LEPR: variants seen among roughly 807,000 people sequenced by gnomAD.
LEPR encodes leptin receptor.
In LEPR, 56 loss-of-function variants were observed where a neutral mutation model predicts 114.7. The observed-to-expected ratio is 0.49, with a 90% confidence interval of 0.39 to 0.61. LEPR has a LOEUF of 0.61. LEPR is among the 20% of genes least tolerant of loss of function. The pLI, the probability that LEPR is intolerant of heterozygous loss-of-function variation, is 0.00. For missense variants in LEPR, 1,202 were observed against 1,352.9 expected (o/e 0.89, Z 1.75); for synonymous variants, 443 against 461.4 (o/e 0.96, Z 0.51).
intron 2 of LEPR, among the ~76,000 whole-genome samples, chr1:65,531,745 T>G (rs1650416912): frequency 6.6e-6 from 1 of 152,166 alleles, no homozygotes; most frequent in Non-Finnish European, 1.5e-5. Flanking sequence ...GAATTCTGAT[T>G]ATGCACATTT....
At chr1:65,456,193 A>G (rs1646873391) in intron 2 of LEPR, among the ~76,000 whole-genome samples, 1 of 151,924 alleles carries the variant, frequency 6.6e-6, no homozygotes, top group Admixed American at 6.5e-5. Context: ...GGCACTCCCT[A>G]GTGAGATGAA....
chr1:65,432,221 A>T, intron 2 of LEPR: 1 of 1,028,398 alleles, frequency 9.7e-7, no homozygotes, highest in Non-Finnish European at 1.2e-6. Context: ...TATGCAGTGC[A>T]TCGAAACCTT....
chr1:65,525,511 G>C (rs867021568), intron 2 of LEPR: 9 of 524,504 alleles, frequency 1.7e-5, no homozygotes, highest in Non-Finnish European at 2.0e-5. Flanking sequence ...CCACCTGCGC[G>C]ACCGCCCTAG....
Position 65,519,708 on chromosome 1 carries a change from G to A in LEPR, c.-20-45838G>A, listed in dbSNP as rs183468013. On this transcript the variant is annotated intron_variant, in intron 2 of 19. Transcript: ENST00000349533. ...GGAAGTGAGAAGGTCTTGATCTGTC[G>A]CCCAGGCTAGAAGTACAGTGGTGTG... Among the ~76,000 whole-genome samples the A allele has an allele frequency of 3.3e-5, 5 of 151,860 alleles. No homozygotes were observed. The East Asian group carries it at 5.9e-4, about 18-fold the overall frequency.
chr1:65,437,620 A>G (rs1334701437), intron 2 of LEPR, among the ~76,000 whole-genome samples: 1 of 151,830 alleles, frequency 6.6e-6, no homozygotes. Flanking sequence ...ACTCTAGCCT[A>G]GGCGACAGAG....
chr1:65,616,499 A>G (rs555340628), intron 15 of LEPR, among the ~76,000 whole-genome samples: 27 of 152,242 alleles, frequency 1.8e-4, no homozygotes, highest in African/African-American at 6.5e-4. Context: ...AATCTTTTGG[A>G]CCAATGGAGA....
chr1:65,572,238 G>T lies in LEPR; in HGVS notation c.371-88G>T. On this transcript the variant is annotated intron_variant, in intron 4 of 19. Coordinates refer to ENST00000349533, the MANE Select transcript of LEPR (RefSeq NM_002303.6). ...TCAGAACACTGGTAAATTTGATTTA[G>T]CTCTTCTCTTTCACTGAGTTGTTCA... is the stretch of plus-strand genomic sequence containing the variant. 4 of 1,409,726 alleles carry T rather than the reference G, an allele frequency of 2.8e-6. No homozygotes were observed. The South Asian group carries it at 5.8e-5, about 21-fold the overall frequency. The allele number at this position is 1,409,726 out of a possible 1,614,324, so 87.3% of individuals were successfully genotyped here.
At chr1:65,615,926 T>A in intron 14 of LEPR, 82 bp from the exon 15 acceptor site, 1 of 1,575,564 alleles carries the variant, frequency 6.3e-7, no homozygotes, top group East Asian at 2.3e-5. Context: ...TAATAAGAAA[T>A]GTAGAATGAG....
At position 65,641,489 on chromosome 1, in the gene LEPR, A is replaced by G. The variant is rs1035741124; in HGVS notation, c.*4474A>G. 1 of 152,236 alleles carries G rather than the reference A, an allele frequency of 6.6e-6. No homozygotes were observed. Among genetic ancestry groups the G allele is most frequent in the African/African-American group, 2.4e-5 (1 of 41,456 alleles). 9.4% of individuals were successfully genotyped at this position (152,236 alleles called of 1,614,324 possible). On this transcript the variant is annotated 3_prime_UTR_variant, in exon 20 of 20. Transcript: ENST00000349533. Reference sequence around the variant, plus strand: ...CAGAGAAAGCAGTGTACTTTATGACAGTATATTTATCTTTTTATCATTATG... The same window carrying G: ...CAGAGAAAGCAGTGTACTTTATGACGGTATATTTATCTTTTTATCATTATG...
chr1:65,487,873 T>TTTTC (rs369046233), intron 2 of LEPR, among the ~76,000 whole-genome samples: 173 of 151,874 alleles, frequency 1.1e-3, no homozygotes, highest in Non-Finnish European at 1.7e-3. Context: ...ATTCCACTCT[T>TTTTC]TTTCTTTCTT....
At chr1:65,526,498 C>A in intron 2 of LEPR, 2 of 863,964 alleles carry the variant, frequency 2.3e-6, no homozygotes, top group Non-Finnish European at 2.8e-6. Context: ...CTTGTGTTTG[C>A]AAACAGATTA....
At chr1:65,613,992 G>T (rs1234310205) in intron 14 of LEPR, among the ~76,000 whole-genome samples, 2 of 151,674 alleles carry the variant, frequency 1.3e-5, no homozygotes, top group African/African-American at 4.8e-5. Context: ...TTTATTCATT[G>T]CTGTGGAAAT....
intron 2 of LEPR, among the ~76,000 whole-genome samples, chr1:65,452,724 A>T (rs1209163131): frequency 6.6e-6 from 1 of 151,724 alleles, no homozygotes; most frequent in African/African-American, 2.4e-5. Context: ...CATCAAGGAT[A>T]TTGGTCTAAA....
At chr1:65,424,014 G>T (rs569138244) in intron 1 of LEPR, among the ~76,000 whole-genome samples, 4 of 152,244 alleles carry the variant, frequency 2.6e-5, no homozygotes, top group African/African-American at 9.6e-5. Flanking sequence ...CCATTTTACA[G>T]GTGAGAAATC....
intron 2 of LEPR, among the ~76,000 whole-genome samples, chr1:65,509,246 T>C (rs1465269025): frequency 6.6e-6 from 1 of 152,022 alleles, no homozygotes; most frequent in Non-Finnish European, 1.5e-5. Context: ...GCGGTGAGAG[T>C]GGATATCCTT....
At chr1:65,547,098 C>G (rs1253998668) in intron 2 of LEPR, among the ~76,000 whole-genome samples, 1 of 151,636 alleles carries the variant, frequency 6.6e-6, no homozygotes, top group Non-Finnish European at 1.5e-5. Flanking sequence ...TGTTTATATG[C>G]TGGATTACAT....
chr1:65,451,586 G>A (rs1008393950), intron 2 of LEPR, among the ~76,000 whole-genome samples: 4 of 152,130 alleles, frequency 2.6e-5, no homozygotes, highest in Non-Finnish European at 5.9e-5. Flanking sequence ...TCAGATAGTT[G>A]TAGATATGCA....
At chr1:65,453,586 G>A (rs1646820404) in intron 2 of LEPR, among the ~76,000 whole-genome samples, 4 of 152,038 alleles carry the variant, frequency 2.6e-5, no homozygotes, top group Admixed American at 6.5e-5. Context: ...GTAGTTGAGC[G>A]GTTTTGAGTG....
chr1:65,519,827 C>G (rs1230103395), intron 2 of LEPR, among the ~76,000 whole-genome samples: 1 of 151,850 alleles, frequency 6.6e-6, no homozygotes, highest in Non-Finnish European at 1.5e-5. Context: ...CCCCACCAAG[C>G]CTGGCTAATT....
Sources: allele counts gnomAD v4.1 joint callset (sites outside exome capture counted in the v4.1 genomes callset), GRCh38; gene constraint gnomAD v4.1.1; transcripts MANE v1.5; gene names NCBI Gene and HGNC (gene_info 2026-07-23, HGNC 2026-07-21).